Variants in PRDM16 observed in about 807,000 individuals in gnomAD.
The protein encoded by PRDM16 is PR/SET domain 16, also known as histone-lysine N-methyltransferase PRDM16.
Under a neutral mutation model 110.6 loss-of-function variants are expected in PRDM16, and 23 were observed. The ratio of observed to expected loss-of-function variants is 0.21; its 90% confidence interval spans 0.15 to 0.29. The LOEUF is 0.29. PRDM16 is among the 10% of genes least tolerant of loss of function. The pLI is 1.00. For missense variants in PRDM16, 1,615 were observed against 1,794.3 expected (o/e 0.90, Z 1.81); for synonymous variants, 799 against 781.8 (o/e 1.02, Z -0.37).
intron 1 of PRDM16, among the ~76,000 whole-genome samples, chr1:3,083,877 A>G (rs760568): frequency 0.54 from 82,849 of 152,200 alleles, 23,467 homozygotes; most frequent in East Asian, 0.65. Flanking sequence ...CGTAATCAGC[A>G]CATGGTGCCC....
chr1:3,248,005 G>A (rs1372798317), intron 3 of PRDM16, among the ~76,000 whole-genome samples: 1 of 152,238 alleles, frequency 6.6e-6, no homozygotes, highest in African/African-American at 2.4e-5. Context: ...TCCCTGGAGA[G>A]CCCGCCGGAG....
At chr1:3,191,145 T>TA (rs1638300356) in intron 2 of PRDM16, among the ~76,000 whole-genome samples, 1 of 152,196 alleles carries the variant, frequency 6.6e-6, no homozygotes, top group South Asian at 2.1e-4. Context: ...CGCTGATGAG[T>TA]AAGTGCCTCT....
At position 3,433,866 on chromosome 1, in the gene PRDM16, C is replaced by T. The variant is rs540303438; in HGVS notation, c.*55C>T. 1.9e-4 allele frequency: 295 copies of T among 1,593,798 alleles called. No homozygotes were observed. The African/African-American group carries it at 2.4e-3, about 13-fold the overall frequency. The stretch of plus-strand genomic sequence containing the variant: ...GAGCGAGGGCACCAGCCACGAAGGA[C>T]GGAGGCGGGCGGGGCCCCGGAGAAC... On this transcript the variant is annotated 3_prime_UTR_variant, in exon 17 of 17. Coordinates refer to ENST00000270722, the MANE Select transcript of PRDM16 (RefSeq NM_022114.4).
intron 1 of PRDM16, among the ~76,000 whole-genome samples, chr1:3,181,353 T>TAC (rs199730922): frequency 0.019 from 265 of 14,270 alleles, 64 homozygotes; most frequent in Middle Eastern, 0.12. Context: ...CACACGGTCT[T>TAC]ACACACGGTC....
At chr1:3,083,867 C>T (rs1287998149) in intron 1 of PRDM16, among the ~76,000 whole-genome samples, 2 of 152,188 alleles carry the variant, frequency 1.3e-5, no homozygotes, top group South Asian at 2.1e-4. Context: ...GGGGCTTCAC[C>T]GTAATCAGCA....
intron 3 of PRDM16, among the ~76,000 whole-genome samples, chr1:3,262,261 T>C (rs74050814): frequency 0.09 from 13,663 of 152,202 alleles, 1,651 homozygotes; most frequent in African/African-American, 0.28. Flanking sequence ...TGTGACCCAG[T>C]TGCGTCCCTG....
chr1:3,418,644 C>T (rs1638340448), intron 11 of PRDM16, 23 bp from the exon 12 acceptor site: 9 of 1,569,490 alleles, frequency 5.7e-6, no homozygotes, highest in Middle Eastern at 3.3e-4. Flanking sequence ...CTCCCTCACC[C>T]TCCCCACCTC....
chr1:3,337,640 G>A (rs1041982378), intron 3 of PRDM16, among the ~76,000 whole-genome samples: 1 of 152,186 alleles, frequency 6.6e-6, no homozygotes, highest in Non-Finnish European at 1.5e-5. Context: ...CCCCAACAGG[G>A]GCTGCGGGCA....
At chr1:3,364,259 G>A (rs1642769711) in intron 3 of PRDM16, among the ~76,000 whole-genome samples, 1 of 152,206 alleles carries the variant, frequency 6.6e-6, no homozygotes, top group East Asian at 1.9e-4. Context: ...TTCCTTCGGC[G>A]TGAGGTCCTG....
intron 1 of PRDM16, among the ~76,000 whole-genome samples, chr1:3,115,935 G>C (rs1004755397): frequency 6.6e-6 from 1 of 152,158 alleles, no homozygotes; most frequent in Non-Finnish European, 1.5e-5. Flanking sequence ...TCCAGCATCT[G>C]GGGGGCTGCT....
At chr1:3,352,956 C>A (rs1031689150) in intron 3 of PRDM16, among the ~76,000 whole-genome samples, 1 of 152,202 alleles carries the variant, frequency 6.6e-6, no homozygotes, top group East Asian at 1.9e-4. Flanking sequence ...GAGTGCCCAC[C>A]CTGCAGGCTT....
chr1:3,205,523 G>A (rs911171977), intron 2 of PRDM16, among the ~76,000 whole-genome samples: 1 of 152,176 alleles, frequency 6.6e-6, no homozygotes, highest in East Asian at 1.9e-4. Flanking sequence ...AAACAGAGGT[G>A]GGGGGCAGGG....
chr1:3,306,060 C>T (rs186459447), intron 3 of PRDM16, among the ~76,000 whole-genome samples: 1 of 152,360 alleles, frequency 6.6e-6, no homozygotes, highest in Admixed American at 6.5e-5. Context: ...AGACCACTTC[C>T]CTCCAGGTTG....
At chr1:3,306,001 T>C (rs1641305218) in intron 3 of PRDM16, among the ~76,000 whole-genome samples, 1 of 152,248 alleles carries the variant, frequency 6.6e-6, no homozygotes, top group South Asian at 2.1e-4. Flanking sequence ...GCTCGAGGCA[T>C]CCTTGGCACA....
intron 3 of PRDM16, among the ~76,000 whole-genome samples, chr1:3,372,687 T>G (rs1333195116): frequency 1.3e-5 from 2 of 152,336 alleles, no homozygotes; most frequent in East Asian, 3.9e-4. Context: ...GCTCAGAGCC[T>G]CCTCCTGCTC....
chr1:3,097,429 G>A (rs1033025527), intron 1 of PRDM16, among the ~76,000 whole-genome samples: 6 of 152,220 alleles, frequency 3.9e-5, no homozygotes, highest in Admixed American at 1.3e-4. Flanking sequence ...CCAGGCTGCC[G>A]CCCCGTGCCC....
intron 3 of PRDM16, among the ~76,000 whole-genome samples, chr1:3,315,325 A>G (rs1290925911): frequency 6.6e-6 from 1 of 152,146 alleles, no homozygotes; most frequent in African/African-American, 2.4e-5. Context: ...TTTGAATTTC[A>G]GGAAGAGGGG....
intron 3 of PRDM16, among the ~76,000 whole-genome samples, chr1:3,332,738 C>T (rs1020522584): frequency 6.6e-6 from 1 of 151,826 alleles, no homozygotes; most frequent in East Asian, 1.9e-4. Flanking sequence ...CCCCACCGCC[C>T]GTCCCCCCAG....
intron 3 of PRDM16, among the ~76,000 whole-genome samples, chr1:3,289,342 G>A (rs1474354363): frequency 3.3e-5 from 5 of 152,342 alleles, no homozygotes; most frequent in African/African-American, 1.2e-4. Flanking sequence ...AAGCTCTCTG[G>A]TGTCCCGATG....
Sources: gnomAD v4.1 joint callset for allele counts (sites outside exome capture counted in the v4.1 genomes callset) on GRCh38, gnomAD v4.1.1 for gene constraint, MANE v1.5 for transcripts, NCBI Gene and HGNC (gene_info 2026-07-23, HGNC 2026-07-21) for gene names.